KMT2E: variants seen among roughly 807,000 people sequenced by gnomAD.
KMT2E encodes histone reader KMT2E.
KMT2E carries 30 observed loss-of-function variants against 184.6 expected under a neutral mutation model. The ratio of observed to expected loss-of-function variants is 0.16; its 90% CI spans 0.12 to 0.22. KMT2E has a LOEUF of 0.22. Ranked by LOEUF, KMT2E falls within the 10% of genes least tolerant of loss-of-function variation. KMT2E has a pLI of 1.00. For missense variants in KMT2E, 2,023 were observed against 2,237.4 expected (o/e 0.90, Z 1.93); for synonymous variants, 815 against 776.5 (o/e 1.05, Z -0.82).
chr7:105,113,286 G>A lies in KMT2E; in HGVS notation c.5530G>A (p.Val1844Met). The change falls in exon 27 of 27, where the codon GTG (valine) becomes ATG (methionine). Residue 1844 changes from valine to methionine, a missense_variant. Transcript: ENST00000311117. ...ACAGATTCCAATTCACAGAGCACAG[G>A]TGCCACCAACATTTCAAAACAATTA... is the stretch of plus-strand genomic sequence containing the variant. ...PGQIPIHRAQVPPTFQNNYHG... is the reference protein window; with the variant it reads ...PGQIPIHRAQMPPTFQNNYHG... 1 of 1,613,744 alleles carries A rather than the reference G, an allele frequency of 6.2e-7. No homozygotes were observed. Among genetic ancestry groups the A allele is most frequent in the Non-Finnish European group, 8.5e-7 (1 of 1,179,672 alleles).
chr7:105,042,904 T>C (rs1337524545), intron 3 of KMT2E, among the ~76,000 whole-genome samples: 1 of 152,226 alleles, frequency 6.6e-6, no homozygotes, highest in Admixed American at 6.5e-5. Context: ...TGTTATGCCT[T>C]CAATAACATA....
intron 15 of KMT2E, among the ~76,000 whole-genome samples, chr7:105,097,537 C>T (rs532472164): frequency 6.6e-6 from 1 of 152,110 alleles, no homozygotes; most frequent in Non-Finnish European, 1.5e-5. Context: ...AGGTGCCCAC[C>T]ACCACGCCTG....
At chr7:105,038,370 T>C (rs1311335484) in intron 2 of KMT2E, 171 bp downstream of exon 2, 3 of 151,770 alleles carry the variant, frequency 2.0e-5, no homozygotes, top group Admixed American at 6.6e-5. Flanking sequence ...TTTATAACTT[T>C]TTTTTTTTTT....
chr7:105,039,298 A>G (rs570862277), intron 2 of KMT2E: 31 of 152,326 alleles, frequency 2.0e-4, no homozygotes, highest in African/African-American at 7.2e-4. Context: ...ATATTTATAT[A>G]AAAAGGGACA....
intron 1 of KMT2E, among the ~76,000 whole-genome samples, chr7:105,019,310 C>T (rs1794847230): frequency 6.6e-6 from 1 of 152,122 alleles, no homozygotes; most frequent in Admixed American, 6.5e-5. Flanking sequence ...GATATGAAAT[C>T]AGTTCTTTTT....
At chr7:105,018,820 AC>A (rs1794824776) in intron 1 of KMT2E, among the ~76,000 whole-genome samples, 1 of 152,048 alleles carries the variant, frequency 6.6e-6, no homozygotes, top group African/African-American at 2.4e-5. Context: ...TTTTTGTATT[AC>A]CTACAAATTT....
chr7:105,062,916 A>G (rs926849362), intron 4 of KMT2E, among the ~76,000 whole-genome samples: 1 of 151,686 alleles, frequency 6.6e-6, no homozygotes, highest in Non-Finnish European at 1.5e-5. Context: ...TTAAAAAACT[A>G]TATTATATGT....
intron 6 of KMT2E, among the ~76,000 whole-genome samples, chr7:105,071,582 G>GTGTA (rs1398236878): frequency 2.6e-4 from 9 of 34,942 alleles, no homozygotes; most frequent in South Asian, 2.7e-3. Context: ...ATGTGTGTGT[G>GTGTA]TATATATATA....
At chr7:105,097,819 C>T (rs1019925459) in intron 15 of KMT2E, among the ~76,000 whole-genome samples, 2 of 152,162 alleles carry the variant, frequency 1.3e-5, no homozygotes, top group African/African-American at 2.4e-5. Flanking sequence ...TAACGTGATA[C>T]GTGCTTGACA....
chr7:105,083,770 G>A (rs1304365715), intron 13 of KMT2E, among the ~76,000 whole-genome samples: 1 of 152,156 alleles, frequency 6.6e-6, no homozygotes, highest in Non-Finnish European at 1.5e-5. Context: ...TTTTCAGGCA[G>A]ATACTCTTTC....
chr7:105,051,090 T>C (rs1796323125), intron 3 of KMT2E, among the ~76,000 whole-genome samples: 1 of 134,730 alleles, frequency 7.4e-6, no homozygotes, highest in South Asian at 2.3e-4. Flanking sequence ...TCTTTCTTTC[T>C]TTTTTCTCTC....
Position 105,105,421 on chromosome 7 carries a change from T to C in KMT2E, c.2197-18T>C, listed in dbSNP as rs1798857164. On this transcript the variant is annotated intron_variant, in intron 17 of 26. Transcript: ENST00000311117. ...TGGAATTACATATATAATGATCCAA[T>C]TTTTTTCTTTTCTCTAGCACTTGGT... The C allele has an allele frequency of 6.5e-7, 1 of 1,549,500 alleles. No homozygotes were observed.
chr7:105,094,092 G>C (rs1297861883), intron 15 of KMT2E, among the ~76,000 whole-genome samples: 2 of 152,178 alleles, frequency 1.3e-5, no homozygotes, highest in Non-Finnish European at 2.9e-5. Context: ...CAAATAAGCA[G>C]AATGAAAAAT....
chr7:105,103,740 ATGTGTGTGTTTC>A (rs1430051412), intron 17 of KMT2E: 2 of 145,786 alleles, frequency 1.4e-5, no homozygotes, highest in Admixed American at 1.4e-4. Context: ...GATTTTTAAA[ATGTGTGTGTTTC>A]TGTGTGTGTG....
At chr7:105,022,326 C>G (rs1240878744) in intron 1 of KMT2E, among the ~76,000 whole-genome samples, 3 of 152,030 alleles carry the variant, frequency 2.0e-5, no homozygotes, top group Non-Finnish European at 4.4e-5. Context: ...AACAGTTCCT[C>G]CATCTTTGTC....
Position 105,091,325 on chromosome 7 carries a change from A to C in KMT2E, c.1722+11A>C. ...AGGAAAAGGAAGATGGTAAGTTGGG[A>C]AGCCAGTAGTTTGGGCTTAGTGACA... On this transcript the variant is annotated intron_variant, in intron 15 of 26. Coordinates refer to ENST00000311117, the MANE Select transcript of KMT2E (RefSeq NM_182931.3). The C allele has an allele frequency of 6.6e-7, 1 of 1,521,950 alleles. No homozygotes were observed. Among genetic ancestry groups the C allele is most frequent in the Non-Finnish European group, 9.1e-7 (1 of 1,096,352 alleles). The allele number at this position is 1,521,950 out of a possible 1,614,324, so 94.3% of individuals were successfully genotyped here.
chr7:105,071,865 T>C (rs1362719275), intron 6 of KMT2E, among the ~76,000 whole-genome samples: 1 of 151,794 alleles, frequency 6.6e-6, no homozygotes, highest in Non-Finnish European at 1.5e-5. Context: ...AGGTGAGAAA[T>C]GGTAATCTCA....
intron 2 of KMT2E, 42 bp from the exon 3 acceptor site, chr7:105,040,797 T>A (rs575188795): frequency 4.2e-6 from 2 of 471,470 alleles, no homozygotes; most frequent in African/African-American, 3.9e-5. Context: ...CTTACTGTTA[T>A]AGTGTGACTG....
chr7:105,076,004 T>C, intron 8 of KMT2E, 39 bp from the exon 9 acceptor site: 1 of 1,505,034 alleles, frequency 6.6e-7, no homozygotes, highest in Non-Finnish European at 9.2e-7. Flanking sequence ...TTATGTCCAG[T>C]TTTTTAGGAA....
Sources: gnomAD v4.1 joint callset for allele counts (sites outside exome capture counted in the v4.1 genomes callset) on GRCh38, gnomAD v4.1.1 for gene constraint, MANE v1.5 for transcripts, NCBI Gene and HGNC (gene_info 2026-07-23, HGNC 2026-07-21) for gene names.